CACNA1F: variants seen among roughly 807,000 people sequenced by gnomAD.
The protein encoded by CACNA1F is voltage-dependent L-type calcium channel subunit alpha-1F.
A neutral mutation model predicts 143.8 loss-of-function variants in CACNA1F; 59 were observed. The observed-to-expected ratio is 0.41, with a 90% CI of 0.33 to 0.51. CACNA1F has a LOEUF of 0.51. Among genes scored for constraint, CACNA1F ranks in the 20% least tolerant of loss-of-function variants. The pLI, the probability that CACNA1F is intolerant of heterozygous loss-of-function variation, is 0.22. For synonymous variants in CACNA1F, 643 were observed against 649.1 expected, an observed-to-expected ratio of 0.99 and a Z score of 0.14; for missense variants, 1,411 against 1,647.5, an observed-to-expected ratio of 0.86 and a Z score of 2.48.
In CACNA1F at chrX:49,207,239, C is replaced by T; in HGVS notation, c.5124-127G>A. ...GGCTTTTGGATTTTTTTGTTGAGGA[C>T]AAGTCACATAAAATTAACCATTAAC... On this transcript the variant is annotated intron_variant, in intron 43 of 47. Coordinates refer to ENST00000323022, the MANE Select transcript of CACNA1F (RefSeq NM_001256789.3). 6.2e-6 allele frequency: 3 copies of T among 486,577 alleles called. No individual in the cohort carries two copies. The South Asian group carries it at 8.3e-5, about 13-fold the overall frequency. 40.1% of individuals were successfully genotyped at this position (486,577 alleles called of 1,213,427 possible).
chrX:49,211,239 C>T, intron 36 of CACNA1F, 83 bp downstream of exon 36: 1 of 1,130,800 alleles, frequency 8.8e-7, no homozygotes, highest in Non-Finnish European at 1.2e-6. Flanking sequence ...CTATGAAGAT[C>T]TGGGCTGCCC....
In CACNA1F at chrX:49,211,504, A is replaced by G. The variant is rs202159177; in HGVS notation, c.4101-23T>C. 7 of 1,180,543 alleles carry G rather than the reference A, an allele frequency of 5.9e-6. No individual in the cohort carries two copies. The East Asian group carries it at 2.1e-4, about 35-fold the overall frequency. ...CACCTGGTGGGAGTCACACAGGGGT[A>G]GCATCCTGAAGGGGAGGCTATGAAG... On this transcript the variant is annotated intron_variant, in intron 35 of 47. Transcript: ENST00000323022.
At position 49,217,912 on chromosome X, in the gene CACNA1F, C is replaced by T; in HGVS notation, c.3022G>A (p.Val1008Met). 1 of 1,208,076 alleles carries T rather than the reference C, an allele frequency of 8.3e-7. No individual in the cohort carries two copies. Among genetic ancestry groups the T allele is most frequent in the Non-Finnish European group, 1.1e-6 (1 of 892,239 alleles). Reference sequence around the variant, plus strand: ...GTTTGCCCCACCTTGAAGAGCTGCACCCCGATGCAGGCGAACATAAATTGC... The same window carrying T: ...GTTTGCCCCACCTTGAAGAGCTGCATCCCGATGCAGGCGAACATAAATTGC... Reference protein sequence around the residue: ...LLQFMFACIGVQLFKGKFYTC... With the variant: ...LLQFMFACIGMQLFKGKFYTC... The change falls in exon 25 of 48, where the codon GTG (valine) becomes ATG (methionine). Residue 1008 changes from valine (V) to methionine (M), a missense_variant. Physicochemically the swap from Val to Met is conservative, Grantham distance 21 (BLOSUM62 1). Transcript: ENST00000323022.
Position 49,211,083 on chromosome X carries a change from G to C in CACNA1F, c.4270C>G (p.Leu1424Val). The change falls in exon 37 of 48, where the codon CTC becomes GTC. Residue 1424 changes from leucine (L) to valine (V), a missense_variant. Leu to Val is a conservative substitution (Grantham distance 32). Coordinates refer to ENST00000323022, the MANE Select transcript of CACNA1F (RefSeq NM_001256789.3). ...TTGTCCATGATCACAGCCACAAAGAGATTTATGATCTGTGGGCCAGTGAGC... is the reference window on the plus strand; with the variant it reads ...TTGTCCATGATCACAGCCACAAAGACATTTATGATCTGTGGGCCAGTGAGC... Reference protein sequence around the residue: ...FMLCAFLIINLFVAVIMDNFD... With the variant: ...FMLCAFLIINVFVAVIMDNFD... The C allele has an allele frequency of 4.1e-6, 5 of 1,210,186 alleles. No individual in the cohort carries two copies. Among genetic ancestry groups the C allele is most frequent in the Non-Finnish European group, 5.6e-6 (5 of 894,224 alleles).
At position 49,230,563 on chromosome X, in the gene CACNA1F, C is replaced by T. The variant is rs2065867727; in HGVS notation, c.568G>A (p.Ala190Thr). ...LEQGPGRPGD[A>T]PHTGGKPGGF... The stretch of plus-strand genomic sequence containing the variant: ...CCTGGCTTTCCCCCGGTGTGCGGGG[C>T]GTCGCCTGGCCGTCCGGGGCCCTGC... Residue 190 changes from alanine to threonine, a missense_variant, in exon 5 of 48, where the codon GCC becomes ACC. Physicochemically the swap from Ala to Thr is moderately conservative, Grantham distance 58. Around this residue, in one of 3 missense-constraint regions of CACNA1F, gnomAD observed 950 missense variants for 1,128.1 expected, o/e 0.84. Coordinates refer to ENST00000323022, the MANE Select transcript of CACNA1F (RefSeq NM_001256789.3). The T allele has an allele frequency of 8.5e-7, 1 of 1,179,566 alleles. No homozygotes were observed. Among genetic ancestry groups the T allele is most frequent in the African/African-American group, 1.7e-5 (1 of 57,232 alleles).
At chrX:49,227,643 CA>C (rs1268783642) in intron 8 of CACNA1F, among the ~76,000 whole-genome samples, 1 of 112,306 alleles carries the variant, frequency 8.9e-6, no homozygotes, top group Non-Finnish European at 1.9e-5. Flanking sequence ...CATTTTTACT[CA>C]AATAACACCT....
intron 47 of CACNA1F, 22 bp from the exon 48 acceptor site, chrX:49,205,389 G>A: frequency 9.2e-7 from 1 of 1,081,996 alleles, no homozygotes. Flanking sequence ...GGTGGGATCA[G>A]TGTTGACGGA....
intron 27 of CACNA1F, 23 bp downstream of exon 27, chrX:49,216,359 A>T: frequency 8.3e-7 from 1 of 1,207,548 alleles, no homozygotes; most frequent in Non-Finnish European, 1.1e-6. Flanking sequence ...ATCCCCTGAT[A>T]AACCCAGGGC....
chrX:49,214,584 C>T (rs2065692083), intron 29 of CACNA1F, among the ~76,000 whole-genome samples: 1 of 112,325 alleles, frequency 8.9e-6, no homozygotes, highest in Non-Finnish European at 1.9e-5. Context: ...CCAGGTGCAG[C>T]TCTCCCTGCC....
In CACNA1F at chrX:49,222,956, G is replaced by C. The variant is rs2147914056; in HGVS notation, c.2058C>G (p.Phe686Leu). Residue 686 changes from phenylalanine to leucine, a missense_variant, in exon 15 of 48, where the codon TTC becomes TTG. Transcript: ENST00000323022. ...GAAAGACAGTGAGGAGGGCCTGGGG[G>C]AACGTGTCAAAGGTGCTTCGCTTGG... is the stretch of plus-strand genomic sequence containing the variant. ...THTKRSTFDT[F>L]PQALLTVFQI... 8.3e-7 allele frequency: 1 copy of C among 1,203,584 alleles called. No individual in the cohort carries two copies. The highest frequency in any genetic ancestry group is 1.7e-5 in the African/African-American group (1 of 57,522).
At position 49,222,960 on chromosome X, in the gene CACNA1F, G is replaced by A; in HGVS notation, c.2054C>T (p.Thr685Met). The A allele has an allele frequency of 8.4e-7, 1 of 1,189,567 alleles. No individual in the cohort carries two copies. Among genetic ancestry groups the A allele is most frequent in the Non-Finnish European group, 1.1e-6 (1 of 883,421 alleles). ...GACAGTGAGGAGGGCCTGGGGGAAC[G>A]TGTCAAAGGTGCTTCGCTTGGTGTG... ...QTHTKRSTFDTFPQALLTVFQ... is the reference protein window; with the variant it reads ...QTHTKRSTFDMFPQALLTVFQ... Residue 685 changes from threonine to methionine, a missense_variant, in exon 15 of 48, where the codon ACG becomes ATG. Physicochemically the swap from Thr to Met is moderately conservative, Grantham distance 81. This residue lies in a region of CACNA1F where 950 missense variants were observed against 1,128.1 expected (regional missense o/e 0.84). Transcript: ENST00000323022.
intron 24 of CACNA1F, 137 bp downstream of exon 24, chrX:49,218,318 G>T: frequency 1.9e-6 from 1 of 519,990 alleles, no homozygotes; most frequent in Non-Finnish European, 3.2e-6. Flanking sequence ...ATGGCTAGTG[G>T]TCAGAGATGT....
At chrX:49,233,218 G>A in intron 1 of CACNA1F, 67 bp downstream of exon 1, 1 of 880,458 alleles carries the variant, frequency 1.1e-6, no homozygotes, top group Non-Finnish European at 1.6e-6. Context: ...GTCTGGGTGG[G>A]CAATGGGTGG....
chrX:49,216,552 A>G (rs376349680), intron 26 of CACNA1F, 24 bp from the exon 27 acceptor site: 7 of 1,190,042 alleles, frequency 5.9e-6, no homozygotes, highest in East Asian at 3.0e-5. Flanking sequence ...AACAGGTTAG[A>G]TGGGTGAGGA....
In CACNA1F at chrX:49,224,987, CTG is replaced by C; in HGVS notation, c.1652-3_1652-2del. On this transcript the variant is annotated splice_acceptor_variant and splice_polypyrimidine_tract_variant and intron_variant, in intron 13 of 47. Transcript: ENST00000323022. LOFTEE classifies it high-confidence loss of function. ...CAGAGCAACACTTTGTTGGCATACT[CTG>C]TGGGGAGAGAGGCAGGGATGATCGG... 5 of 1,155,904 alleles carry C rather than the reference CTG, an allele frequency of 4.3e-6. No individual in the cohort carries two copies. The highest frequency in any genetic ancestry group is 5.9e-6 in the Non-Finnish European group (5 of 848,196).
rs376156915 is a variant in CACNA1F, at chrX:49,222,829, C to T, written c.2095G>A (p.Gly699Ser). ...ALLTVFQILT[G>S]EDWNVVMYDG... ...TACATGACCACGTTCCAGTCCTCAC[C>T]TGTCAGGATCTGGGGGTGGGAAGTC... Residue 699 changes from glycine to serine, a missense_variant, in exon 16 of 48, where the codon GGT becomes AGT. Transcript: ENST00000323022. 8.3e-7 allele frequency: 1 copy of T among 1,211,411 alleles called. No individual in the cohort carries two copies. The highest frequency in any genetic ancestry group is 1.1e-6 in the Non-Finnish European group (1 of 895,364).
rs371588693 is a variant in CACNA1F, at chrX:49,229,760, T to A, written c.817+460A>T. ...CAGCCTCAGGTTCACGCCATTCTCC[T>A]GCCTCAGCCTCCCGAGTAGCTGGGA... On this transcript the variant is annotated intron_variant, in intron 6 of 47. Coordinates refer to ENST00000323022, the MANE Select transcript of CACNA1F (RefSeq NM_001256789.3). Among the ~76,000 whole-genome samples, 44 of 102,839 alleles carry A rather than the reference T, an allele frequency of 4.3e-4. No individual in the cohort carries two copies. The East Asian group carries it at 8.5e-3, about 20-fold the overall frequency. The allele number at this position is 102,839 out of a possible 115,157, so 89.3% of individuals were successfully genotyped here.
At chrX:49,209,576 C>T (rs2065634158) in intron 41 of CACNA1F, 53 bp downstream of exon 41, 1 of 1,201,934 alleles carries the variant, frequency 8.3e-7, no homozygotes, top group Non-Finnish European at 1.1e-6. Flanking sequence ...GGGTCAGCCT[C>T]AGCCACAGCA....
chrX:49,231,147 A>C (rs2065874837), intron 3 of CACNA1F, 55 bp downstream of exon 3: 2 of 896,940 alleles, frequency 2.2e-6, no homozygotes, highest in Non-Finnish European at 3.2e-6. Context: ...GGAAGGAGTG[A>C]GCTCTACTGG....
Sources: allele counts gnomAD v4.1 joint callset (sites outside exome capture counted in the v4.1 genomes callset), GRCh38; gene constraint gnomAD v4.1.1; regional missense constraint gnomAD v4.1.1; transcripts MANE v1.5; gene names NCBI Gene and HGNC (gene_info 2026-07-23, HGNC 2026-07-21).